The following GPC1 variants were observed in gnomAD, a reference collection of about 807,000 sequenced individuals.
GPC1 encodes glypican-1.
In GPC1, 26 loss-of-function variants were observed where a neutral mutation model predicts 51.5. The observed-to-expected ratio is 0.50, with a 90% CI of 0.37 to 0.70. GPC1 has a LOEUF of 0.70. GPC1 is among the 30% of genes least tolerant of loss of function. GPC1 has a pLI of 0.00. For synonymous variants in GPC1, 380 were observed against 348.3 expected, an observed-to-expected ratio of 1.09 and a Z score of -1.01; for missense variants, 775 against 800.5, an observed-to-expected ratio of 0.97 and a Z score of 0.38.
chr2:240,458,094 T>A (rs1208516525), intron 1 of GPC1: 1 of 470,308 alleles, frequency 2.1e-6, no homozygotes, highest in African/African-American at 2.0e-5. Flanking sequence ...CCTCACTGTA[T>A]AGCTGGGACG....
intron 2 of GPC1, among the ~76,000 whole-genome samples, chr2:240,461,074 C>G (rs563378374): frequency 6.6e-6 from 1 of 152,322 alleles, no homozygotes; most frequent in South Asian, 2.1e-4. Flanking sequence ...CCATGGCCCT[C>G]TAGGTGTGTC....
At chr2:240,453,619 G>A (rs1276894855) in intron 1 of GPC1, among the ~76,000 whole-genome samples, 6 of 100,636 alleles carry the variant, frequency 6.0e-5, no homozygotes, top group Admixed American at 2.1e-4. Context: ...CCCTCCCCTC[G>A]CCTGCCCGCC....
intron 1 of GPC1, 112 bp from the exon 2 acceptor site, chr2:240,458,916 CCT>C (rs902732592): frequency 6.1e-6 from 6 of 979,194 alleles, no homozygotes; most frequent in African/African-American, 4.8e-5. Flanking sequence ...CTGGCCCACC[CCT>C]GAGCTGTGCT....
At chr2:240,439,986 A>T (rs73102040) in intron 1 of GPC1, among the ~76,000 whole-genome samples, 3,559 of 152,318 alleles carry the variant, frequency 0.023, 135 homozygotes, top group African/African-American at 0.079. Flanking sequence ...GGCAGGCCAC[A>T]GCACTCCTCA....
At chr2:240,436,293 T>C (rs2151783820) in intron 1 of GPC1, among the ~76,000 whole-genome samples, 1 of 152,002 alleles carries the variant, frequency 6.6e-6, no homozygotes, top group South Asian at 2.1e-4. Flanking sequence ...CTCGCCAGGG[T>C]CTCCTCCGCC....
chr2:240,442,287 C>T (rs1274124825), intron 1 of GPC1: 1 of 152,084 alleles, frequency 6.6e-6, no homozygotes, highest in Non-Finnish European at 1.5e-5. Flanking sequence ...CCGAGTCCCT[C>T]CCGGTACCGG....
At chr2:240,463,920 C>T in intron 4 of GPC1, 1 of 258,374 alleles carries the variant, frequency 3.9e-6, no homozygotes, top group Non-Finnish European at 7.5e-6. Context: ...GGGCCAGTGC[C>T]CACCAGTACA....
chr2:240,444,975 G>C (rs1559194740), intron 1 of GPC1, among the ~76,000 whole-genome samples: 1 of 152,194 alleles, frequency 6.6e-6, no homozygotes, highest in Non-Finnish European at 1.5e-5. Context: ...CTGCCACCAG[G>C]GTTGGCTCAG....
intron 1 of GPC1, chr2:240,451,325 G>A (rs575458315): frequency 1.0e-4 from 46 of 460,790 alleles, no homozygotes; most frequent in Admixed American, 6.2e-4. Context: ...CGTTTCTAGC[G>A]TGCCCCCTGT....
At chr2:240,453,448 C>T (rs1402396605) in intron 1 of GPC1, among the ~76,000 whole-genome samples, 5 of 128,016 alleles carry the variant, frequency 3.9e-5, no homozygotes, top group African/African-American at 1.5e-4. Context: ...CCTCCGCCCG[C>T]CCCGCTCCCG....
chr2:240,460,994 C>G lies in GPC1; in HGVS notation c.326-1197C>G, dbSNP rs763766466. The stretch of plus-strand genomic sequence containing the variant: ...ATTTGGAGCCCTGTGTCCGCCCCCC[C>G]ACCAGCCTTCAGGAGCAGCTGAATG... On this transcript the variant is annotated intron_variant, in intron 2 of 8. Coordinates refer to ENST00000264039, the MANE Select transcript of GPC1 (RefSeq NM_002081.3). Among the ~76,000 whole-genome samples the G allele has an allele frequency of 1.2e-4, 19 of 152,218 alleles. 1 individual carries two copies. Among genetic ancestry groups the G allele is most frequent in the Admixed American group, 6.5e-5 (1 of 15,290 alleles).
In GPC1 at chr2:240,467,136, G is replaced by A. The variant is rs948217470; in HGVS notation, c.*846G>A. On this transcript the variant is annotated 3_prime_UTR_variant, in exon 9 of 9. Transcript: ENST00000264039. ...CTGTTGGAGGACCCCGAGGGCTGAG[G>A]AGCAGCCAGGACCCGCCTGCTCCCA... 2.0e-5 allele frequency: 3 copies of A among 152,286 alleles called. No individual in the cohort carries two copies. Among genetic ancestry groups the A allele is most frequent in the Non-Finnish European group, 4.4e-5 (3 of 68,092 alleles). The allele number at this position is 152,286 out of a possible 1,614,324, so 9.4% of individuals were successfully genotyped here. A position where few individuals can be genotyped will look rare whatever the true frequency, so the allele number is the denominator to read the frequency against.
chr2:240,436,344 C>T (rs1485928331), intron 1 of GPC1, among the ~76,000 whole-genome samples: 1 of 152,126 alleles, frequency 6.6e-6, no homozygotes, highest in Non-Finnish European at 1.5e-5. Flanking sequence ...CCCCGCACGC[C>T]GGCTTCTTCC....
In GPC1 at chr2:240,466,535, A is replaced by G; in HGVS notation, c.*245A>G. 1 of 527,096 alleles carries G rather than the reference A, an allele frequency of 1.9e-6. No homozygotes were observed. Among genetic ancestry groups the G allele is most frequent in the Non-Finnish European group, 3.4e-6 (1 of 297,664 alleles). The allele number at this position is 527,096 out of a possible 1,614,324, so 32.7% of individuals were successfully genotyped here. On this transcript the variant is annotated 3_prime_UTR_variant, in exon 9 of 9. Transcript: ENST00000264039. Reference sequence around the variant, plus strand: ...AGTGTGCCCAAAAGCCATGTATTTCAGGGACCTCAGGGGCACCTCCGGCTG... The same window carrying G: ...AGTGTGCCCAAAAGCCATGTATTTCGGGGACCTCAGGGGCACCTCCGGCTG...
intron 2 of GPC1, among the ~76,000 whole-genome samples, chr2:240,460,874 G>A (rs2074209604): frequency 6.6e-6 from 1 of 152,148 alleles, no homozygotes; most frequent in South Asian, 2.1e-4. Context: ...CGGGGCAGCT[G>A]AGGGCCCCTG....
At chr2:240,445,715 A>G (rs1452907610) in intron 1 of GPC1, among the ~76,000 whole-genome samples, 1 of 152,182 alleles carries the variant, frequency 6.6e-6, no homozygotes, top group African/African-American at 2.4e-5. Context: ...ACCTCTAACC[A>G]GAATTTAGCA....
intron 1 of GPC1, among the ~76,000 whole-genome samples, chr2:240,457,010 T>C (rs946724046): frequency 6.6e-6 from 1 of 151,972 alleles, no homozygotes; most frequent in Non-Finnish European, 1.5e-5. Context: ...GACCCCCAAC[T>C]CCCCCTCCAG....
In GPC1 at chr2:240,465,525, G is replaced by A. The variant is rs1206538075; in HGVS notation, c.1321G>A (p.Glu441Lys). 21 of 1,613,190 alleles carry A rather than the reference G, an allele frequency of 1.3e-5. No individual in the cohort carries two copies. The highest frequency in any genetic ancestry group is 3.3e-5 in the South Asian group (3 of 91,086). ...CCTGGCCAACCAGATCAACAACCCC[G>A]AGGTGGAGGTGGACATCACCAAGCC... The part of the protein sequence containing the change: ...DGLANQINNP[E>K]VEVDITKPDM... Residue 441 changes from glutamate to lysine, a missense_variant, in exon 8 of 9, where the codon GAG becomes AAG. Physicochemically the swap from Glu to Lys is moderately conservative, Grantham distance 56. Coordinates refer to ENST00000264039, the MANE Select transcript of GPC1 (RefSeq NM_002081.3).
At chr2:240,437,853 C>T (rs888091791) in intron 1 of GPC1, among the ~76,000 whole-genome samples, 2 of 152,252 alleles carry the variant, frequency 1.3e-5, no homozygotes, top group Non-Finnish European at 2.9e-5. Flanking sequence ...ACCTTCCTTG[C>T]ATCCACAGGC....
Sources: allele counts gnomAD v4.1 joint callset (sites outside exome capture counted in the v4.1 genomes callset), GRCh38; gene constraint gnomAD v4.1.1; transcripts MANE v1.5; gene names NCBI Gene and HGNC (gene_info 2026-07-23, HGNC 2026-07-21).